Variants in ZYG11B observed in about 807,000 individuals in gnomAD.
The protein encoded by ZYG11B is protein zyg-11 homolog B.
In ZYG11B, 36 loss-of-function variants were observed where a neutral mutation model predicts 82.4. The ratio of observed to expected loss-of-function variants is 0.44; its 90% CI spans 0.33 to 0.58. The LOEUF (loss-of-function observed/expected upper bound fraction) is 0.58. ZYG11B is among the 20% of genes least tolerant of loss of function. The probability of loss-of-function intolerance (pLI) is 0.02; values close to 1 mark genes in which losing one functional copy is unlikely to be tolerated. For missense variants in ZYG11B, 552 were observed against 895.6 expected (o/e 0.62, Z 4.90); for synonymous variants, 303 against 312.8 (o/e 0.97, Z 0.33).
intron 8 of ZYG11B, among the ~76,000 whole-genome samples, chr1:52,801,256 T>C (rs921300088): frequency 2.0e-5 from 3 of 152,162 alleles, no homozygotes; most frequent in Non-Finnish European, 4.4e-5. Context: ...ATAGTCAACA[T>C]AGACTAATTC....
chr1:52,771,436 C>T lies in ZYG11B; in HGVS notation c.613C>T (p.Leu205=), dbSNP rs1164799604. 1.2e-6 allele frequency: 2 copies of T among 1,613,958 alleles called. No individual in the cohort carries two copies. The highest frequency in any genetic ancestry group is 3.3e-5 in the Admixed American group (2 of 60,024). Residue 205 remains leucine, a synonymous_variant, in exon 3 of 14, where the codon CTG becomes TTG. Transcript: ENST00000294353. This position sits in a 1 kb window ranked among gnomAD's most constrained non-coding sequence, Gnocchi z 5.4. ...NTSITDITAL[L]ACKDRLKSLT... is the part of the protein sequence containing the mutation. Reference sequence around the variant, plus strand: ...CTCAATCACAGACATCACTGCTCTACTGGCCTGCAAAGACCGACTCAAGTC... The same window carrying T: ...CTCAATCACAGACATCACTGCTCTATTGGCCTGCAAAGACCGACTCAAGTC...
At position 52,801,940 on chromosome 1, in the gene ZYG11B, T is replaced by C; in HGVS notation, c.1607T>C (p.Ile536Thr). 6.2e-7 allele frequency: 1 copy of C among 1,612,006 alleles called. No homozygotes were observed. Among genetic ancestry groups the C allele is most frequent in the Non-Finnish European group, 8.5e-7 (1 of 1,179,454 alleles). Residue 536 changes from isoleucine to threonine, a missense_variant, in exon 9 of 14, where the codon ATT becomes ACT. Transcript: ENST00000294353. The part of the protein sequence containing the change: ...DESPTTCRHF[I>T]ENQGLELFMR... ...TCTCCAACCACTTGTAGACACTTTA[T>C]TGAAAACCAAGGGTTAGAACTCTTC...
At chr1:52,807,157 C>T (rs1260374227) in intron 10 of ZYG11B, among the ~76,000 whole-genome samples, 1 of 151,818 alleles carries the variant, frequency 6.6e-6, no homozygotes, top group Non-Finnish European at 1.5e-5. Flanking sequence ...TCACGTGAGC[C>T]ACCGCGCCCG....
intron 1 of ZYG11B, among the ~76,000 whole-genome samples, chr1:52,753,310 G>T (rs1644541713): frequency 6.6e-6 from 1 of 152,056 alleles, no homozygotes; most frequent in Non-Finnish European, 1.5e-5. Flanking sequence ...GTTTTCCAAG[G>T]CAGCTGCAAC....
intron 3 of ZYG11B, among the ~76,000 whole-genome samples, chr1:52,776,229 A>AAAAAAAAATATATATATATAT: frequency 5.5e-4 from 13 of 23,528 alleles, no homozygotes; most frequent in Admixed American, 2.4e-3. Context: ...TAAAAAAAAA[A>AAAAAAAAATATATATATATAT]ATATATATAT....
At chr1:52,766,852 C>A (rs930369990) in intron 2 of ZYG11B, among the ~76,000 whole-genome samples, 3 of 151,916 alleles carry the variant, frequency 2.0e-5, no homozygotes, top group East Asian at 1.9e-4. Context: ...ACTAAAAATA[C>A]AAAAAATTAG....
chr1:52,739,904 C>T (rs1644410334), intron 1 of ZYG11B, among the ~76,000 whole-genome samples: 2 of 152,154 alleles, frequency 1.3e-5, no homozygotes, highest in Non-Finnish European at 2.9e-5. Context: ...CGCTCCTGGC[C>T]CTTGTTTTAA....
At chr1:52,799,010 A>G (rs1645052060) in intron 8 of ZYG11B, among the ~76,000 whole-genome samples, 1 of 152,128 alleles carries the variant, frequency 6.6e-6, no homozygotes, top group Non-Finnish European at 1.5e-5. Flanking sequence ...TACCCATGAT[A>G]TCAAATGAAT....
At chr1:52,811,952 A>G (rs1645187532) in intron 10 of ZYG11B, among the ~76,000 whole-genome samples, 1 of 151,936 alleles carries the variant, frequency 6.6e-6, no homozygotes. Context: ...AATGGTGTGA[A>G]CCTGGGAGGC....
intron 3 of ZYG11B, among the ~76,000 whole-genome samples, chr1:52,776,229 A>AAT (rs1293809937): frequency 0.013 from 316 of 23,560 alleles, 65 homozygotes; most frequent in Non-Finnish European, 0.03. Context: ...TAAAAAAAAA[A>AAT]ATATATATAT....
chr1:52,817,663 G>A (rs929274049), intron 13 of ZYG11B, among the ~76,000 whole-genome samples: 1 of 149,864 alleles, frequency 6.7e-6, no homozygotes, highest in Non-Finnish European at 1.5e-5. Context: ...TGGCATTACA[G>A]GCGTCAGCCA....
intron 10 of ZYG11B, among the ~76,000 whole-genome samples, chr1:52,803,448 A>G (rs1184882281): frequency 6.7e-6 from 1 of 149,410 alleles, no homozygotes; most frequent in Non-Finnish European, 1.5e-5. Flanking sequence ...AAAAGAAAAA[A>G]AAAAAAAACC....
rs761206180 is a variant in ZYG11B, at chr1:52,821,488, A to G, written c.2094A>G (p.Leu698=). The G allele has an allele frequency of 1.1e-5, 17 of 1,612,650 alleles. No homozygotes were observed. The highest frequency in any genetic ancestry group is 1.4e-5 in the Non-Finnish European group (17 of 1,179,242). Residue 698 remains leucine (L), a synonymous_variant, in exon 14 of 14, where the codon TTA becomes TTG. Coordinates refer to ENST00000294353, the MANE Select transcript of ZYG11B (RefSeq NM_024646.3). ...MLIEEGGLQH[L]YNIKDHEHTD... ...TTGAAGAAGGAGGATTGCAGCATTT[A>G]TACAACATCAAAGATCATGAACATA... is the stretch of plus-strand genomic sequence containing the variant.
At chr1:52,800,275 C>CAA (rs71579948) in intron 8 of ZYG11B, among the ~76,000 whole-genome samples, 57 of 120,038 alleles carry the variant, frequency 4.7e-4, no homozygotes, top group Middle Eastern at 4.2e-3. Context: ...GATTCCATGT[C>CAA]AAAAAAAAAA....
rs1016230557 is a variant in ZYG11B at position 52,826,381 on chromosome 1, A to G, written c.*4752A>G. On this transcript the variant is annotated 3_prime_UTR_variant, in exon 14 of 14. Coordinates refer to ENST00000294353, the MANE Select transcript of ZYG11B (RefSeq NM_024646.3). Reference sequence around the variant, plus strand: ...TGACAGTTTTTAATTTGCAGTATTCACTCACGAACTGTTTTATTTTAGGAA... The same window carrying G: ...TGACAGTTTTTAATTTGCAGTATTCGCTCACGAACTGTTTTATTTTAGGAA... 1 of 152,190 alleles carries G rather than the reference A, an allele frequency of 6.6e-6. No homozygotes were observed. Among genetic ancestry groups the G allele is most frequent in the Non-Finnish European group, 1.5e-5 (1 of 68,034 alleles). The allele number at this position is 152,190 out of a possible 1,614,324, so 9.4% of individuals were successfully genotyped here. A position where few individuals can be genotyped will look rare whatever the true frequency, so the allele number is the denominator to read the frequency against.
chr1:52,746,266 T>G (rs937347166), intron 1 of ZYG11B, among the ~76,000 whole-genome samples: 1 of 152,196 alleles, frequency 6.6e-6, no homozygotes, highest in African/African-American at 2.4e-5. Flanking sequence ...TTTAACTCTT[T>G]AAGTTATGAC....
intron 3 of ZYG11B, among the ~76,000 whole-genome samples, chr1:52,776,229 A>AAAAAAAAAAAAAATATAT: frequency 8.5e-5 from 2 of 23,538 alleles, no homozygotes; most frequent in Non-Finnish European, 2.3e-4. Flanking sequence ...TAAAAAAAAA[A>AAAAAAAAAAAAAATATAT]ATATATATAT....
chr1:52,792,226 G>GATGAATGA (rs567888897), intron 6 of ZYG11B, among the ~76,000 whole-genome samples: 2 of 152,178 alleles, frequency 1.3e-5, no homozygotes, highest in South Asian at 2.1e-4. Context: ...TTGATTGATG[G>GATGAATGA]ATGAATGAAT....
At chr1:52,816,691 A>G in intron 13 of ZYG11B, 62 bp downstream of exon 13, 3 of 1,260,868 alleles carry the variant, frequency 2.4e-6, no homozygotes, top group Non-Finnish European at 2.3e-6. Context: ...ATTTCCCAGG[A>G]AAGATATTTC....
Sources: gnomAD v4.1 joint callset for allele counts (sites outside exome capture counted in the v4.1 genomes callset) on GRCh38, gnomAD v4.1.1 for gene constraint, Gnocchi (gnomAD v3.1) non-coding constraint, MANE v1.5 for transcripts, NCBI Gene and HGNC (gene_info 2026-07-23, HGNC 2026-07-21) for gene names.